The following AFF2 variants were observed in gnomAD, a reference collection of about 807,000 sequenced individuals.
AFF2 encodes ALF transcription elongation factor 2, also known as AF4/FMR2 family member 2.
AFF2 carries 14 observed loss-of-function variants against 76.9 expected under a neutral mutation model. That is an observed-to-expected ratio of 0.18 (90% CI 0.12 to 0.28). The LOEUF is 0.28. Among genes scored for constraint, AFF2 ranks in the 10% least tolerant of loss-of-function variants. AFF2 has a pLI of 1.00. For missense variants in AFF2, 868 were observed against 1,001.1 expected, an observed-to-expected ratio of 0.87 and a Z score of 1.79; for synonymous variants, 398 against 366.7, an observed-to-expected ratio of 1.09 and a Z score of -0.98.
intron 1 of AFF2, among the ~76,000 whole-genome samples, chrX:148,555,849 T>A (rs1557239593): frequency 8.9e-6 from 1 of 112,724 alleles, no homozygotes; most frequent in African/African-American, 3.2e-5. Flanking sequence ...CTCTAATTTA[T>A]GGATGCTTGC....
At chrX:148,517,314 G>A (rs782714812) in intron 1 of AFF2, among the ~76,000 whole-genome samples, 1 of 111,773 alleles carries the variant, frequency 8.9e-6, no homozygotes, top group South Asian at 3.7e-4. Context: ...CACTGCCCTC[G>A]TTGCTTCATG....
chrX:148,529,684 A>T (rs1237557249), intron 1 of AFF2, among the ~76,000 whole-genome samples: 1 of 111,864 alleles, frequency 8.9e-6, no homozygotes, highest in Non-Finnish European at 1.9e-5. Flanking sequence ...TGAGGGTAGG[A>T]GTACTCCCAC....
chrX:148,516,573 A>T (rs1181413502), intron 1 of AFF2, among the ~76,000 whole-genome samples: 1 of 111,989 alleles, frequency 8.9e-6, no homozygotes, highest in Non-Finnish European at 1.9e-5. Flanking sequence ...TGCACGTCAG[A>T]CACTCATCTG....
intron 1 of AFF2, among the ~76,000 whole-genome samples, chrX:148,525,896 T>G (rs2052652811): frequency 8.9e-6 from 1 of 111,796 alleles, no homozygotes; most frequent in Admixed American, 9.5e-5. Flanking sequence ...CTGACTGCTC[T>G]GTGTGCTTAG....
chrX:148,779,861 G>A (rs2069719211), intron 3 of AFF2, among the ~76,000 whole-genome samples: 2 of 111,939 alleles, frequency 1.8e-5, no homozygotes. Flanking sequence ...TTACATTTTG[G>A]TTTGTTTTTG....
At chrX:148,740,731 C>T (rs2055340458) in intron 3 of AFF2, among the ~76,000 whole-genome samples, 1 of 111,813 alleles carries the variant, frequency 8.9e-6, no homozygotes, top group Non-Finnish European at 1.9e-5. Flanking sequence ...CTTGTTTTGT[C>T]ACATTACCAG....
chrX:148,867,932 C>T (rs16994785), intron 7 of AFF2, among the ~76,000 whole-genome samples: 1,970 of 111,717 alleles, frequency 0.018, 39 homozygotes, highest in African/African-American at 0.059. Flanking sequence ...AAAGGGATTT[C>T]CAGTACTTCC....
intron 1 of AFF2, among the ~76,000 whole-genome samples, chrX:148,628,768 C>T (rs1316306293): frequency 3.6e-5 from 4 of 112,049 alleles, no homozygotes; most frequent in Admixed American, 2.8e-4. Context: ...TTGACACCTT[C>T]TCCAGATTGA....
chrX:148,639,559 C>T (rs2054066637), intron 1 of AFF2, among the ~76,000 whole-genome samples: 1 of 111,783 alleles, frequency 8.9e-6, no homozygotes, highest in Admixed American at 9.5e-5. Context: ...AAGCAGAGGC[C>T]TCTCACCTCC....
intron 1 of AFF2, chrX:148,547,018 AC>A (rs2052928909): frequency 8.9e-6 from 1 of 112,356 alleles, no homozygotes; most frequent in Non-Finnish European, 1.9e-5. Context: ...CAAGGAATTT[AC>A]AGTCTTGTCA....
At chrX:148,531,244 C>T (rs2052727228) in intron 1 of AFF2, among the ~76,000 whole-genome samples, 1 of 111,339 alleles carries the variant, frequency 9.0e-6, no homozygotes, top group Non-Finnish European at 1.9e-5. Flanking sequence ...TGAATATTCG[C>T]CTTCACAAAA....
chrX:148,765,379 G>A (rs1302474772), intron 3 of AFF2, among the ~76,000 whole-genome samples: 3 of 111,657 alleles, frequency 2.7e-5, no homozygotes, highest in African/African-American at 9.8e-5. Flanking sequence ...GTCATACAAT[G>A]ATGCATATTA....
intron 3 of AFF2, among the ~76,000 whole-genome samples, chrX:148,720,668 T>C (rs920536438): frequency 3.1e-5 from 3 of 96,068 alleles, no homozygotes; most frequent in African/African-American, 1.1e-4. Flanking sequence ...TTAGTAATAT[T>C]TTGATAATAA....
chrX:148,829,173 GA>G lies in AFF2; in HGVS notation c.1087-8471del, dbSNP rs1286642223. On this transcript the variant is annotated intron_variant, in intron 4 of 20. Coordinates refer to ENST00000370460, the MANE Select transcript of AFF2 (RefSeq NM_002025.4). The stretch of plus-strand genomic sequence containing the variant: ...CCATTTAAATCATAAGTTAGTGTTA[GA>G]AACTTTTAAAAGAATTGCATTTTGC... Among the ~76,000 whole-genome samples the G allele has an allele frequency of 4.4e-5, 5 of 112,490 alleles. No homozygotes were observed. In the Admixed American group the frequency reaches 4.7e-4, roughly 11 times the overall value.
chrX:148,776,867 C>A (rs1557268625), intron 3 of AFF2, among the ~76,000 whole-genome samples: 1 of 111,850 alleles, frequency 8.9e-6, no homozygotes, highest in East Asian at 2.8e-4. Flanking sequence ...GAATTAGATC[C>A]CATTTGTCAA....
At chrX:148,794,872 A>G (rs1557270255) in intron 3 of AFF2, among the ~76,000 whole-genome samples, 1 of 111,827 alleles carries the variant, frequency 8.9e-6, no homozygotes. Flanking sequence ...AGCAGCATGA[A>G]ATAGTGGAAG....
At position 148,956,524 on chromosome X, in the gene AFF2, G is replaced by C; in HGVS notation, c.2479G>C (p.Asp827His). 8.3e-7 allele frequency: 1 copy of C among 1,211,860 alleles called. No homozygotes were observed. The highest frequency in any genetic ancestry group is 1.8e-5 in the South Asian group (1 of 56,985). Residue 827 changes from aspartate to histidine, a missense_variant, in exon 11 of 21, where the codon GAC becomes CAC. By Grantham distance (81) the Asp-to-His change is moderately conservative. Coordinates refer to ENST00000370460, the MANE Select transcript of AFF2 (RefSeq NM_002025.4). ...ACTCCATGCAGCACCTGCCAAGCCA[G>C]ACCACAAGGAGACTGCCACAAAACC... is the stretch of plus-strand genomic sequence containing the variant. The part of the protein sequence containing the change: ...SSLHAAPAKP[D>H]HKETATKPKR...
At chrX:148,671,731 G>C (rs782694356) in intron 3 of AFF2, among the ~76,000 whole-genome samples, 1 of 110,191 alleles carries the variant, frequency 9.1e-6, no homozygotes, top group Non-Finnish European at 1.9e-5. Flanking sequence ...ATCTTTTTAG[G>C]GATTGACTAC....
At chrX:148,922,018 A>G (rs190290385) in intron 9 of AFF2, among the ~76,000 whole-genome samples, 1 of 111,923 alleles carries the variant, frequency 8.9e-6, no homozygotes, top group East Asian at 2.8e-4. Flanking sequence ...GCCAAGGTTG[A>G]GTATGGATCG....
Sources: allele counts gnomAD v4.1 joint callset (sites outside exome capture counted in the v4.1 genomes callset), GRCh38; gene constraint gnomAD v4.1.1; transcripts MANE v1.5; gene names NCBI Gene and HGNC (gene_info 2026-07-23, HGNC 2026-07-21).